The following CREB5 variants were observed in gnomAD, a reference collection of about 807,000 sequenced individuals.
The protein encoded by CREB5 is cAMP responsive element binding protein 5, also known as cyclic AMP-responsive element-binding protein 5.
A neutral mutation model predicts 57.1 loss-of-function variants in CREB5; 19 were observed. That is an observed-to-expected ratio of 0.33 (90% confidence interval 0.23 to 0.49). The LOEUF is 0.49. Among genes scored for constraint, CREB5 ranks in the 20% least tolerant of loss-of-function variants. The probability of loss-of-function intolerance (pLI) is 0.99; values close to 1 mark genes in which losing one functional copy is unlikely to be tolerated. For missense variants in CREB5, 579 were observed against 671.6 expected (o/e 0.86, Z 1.52); for synonymous variants, 238 against 238.3 (o/e 1.00, Z 0.01).
intron 4 of CREB5, among the ~76,000 whole-genome samples, chr7:28,529,658 C>T (rs950472877): frequency 1.3e-5 from 2 of 152,174 alleles, no homozygotes; most frequent in Non-Finnish European, 2.9e-5. Flanking sequence ...GATTTCCTTG[C>T]TCTATGGCCC....
chr7:28,532,123 G>T (rs1293009188), intron 4 of CREB5, among the ~76,000 whole-genome samples: 2 of 152,206 alleles, frequency 1.3e-5, no homozygotes, highest in Admixed American at 1.3e-4. Context: ...TTCTGTAGGG[G>T]TTGGGGAAGC....
intron 1 of CREB5, among the ~76,000 whole-genome samples, chr7:28,391,221 G>A (rs999219882): frequency 1.1e-4 from 17 of 151,876 alleles, no homozygotes; most frequent in East Asian, 7.7e-4. Flanking sequence ...TTTCACATAC[G>A]TTGGCATGGT....
intron 4 of CREB5, among the ~76,000 whole-genome samples, chr7:28,552,992 G>T (rs1360062713): frequency 6.6e-6 from 1 of 152,180 alleles, no homozygotes; most frequent in Non-Finnish European, 1.5e-5. Context: ...CTCTGAGCGT[G>T]GTGGGCGCAA....
chr7:28,614,224 G>A (rs1418972117), intron 5 of CREB5, among the ~76,000 whole-genome samples: 1 of 152,214 alleles, frequency 6.6e-6, no homozygotes, highest in Non-Finnish European at 1.5e-5. Context: ...CCCCTGAAGT[G>A]TTGGGATTAC....
chr7:28,502,395 A>G (rs1194971389), intron 3 of CREB5, among the ~76,000 whole-genome samples: 3 of 151,692 alleles, frequency 2.0e-5, no homozygotes, highest in African/African-American at 7.3e-5. Flanking sequence ...CCAAAAAAAA[A>G]TATGAAAAGT....
rs928172627 is a variant in CREB5, at chr7:28,821,024, T to C, written c.*1745T>C. 1.3e-5 allele frequency: 2 copies of C among 152,584 alleles called. No individual in the cohort carries two copies. The highest frequency in any genetic ancestry group is 2.4e-5 in the African/African-American group (1 of 41,424). 9.5% of individuals were successfully genotyped at this position (152,584 alleles called of 1,614,324 possible). ...GAAACAAGCCATTCTACTGTGCTAA[T>C]GTTTTAATATCACATCTCACAAATA... On this transcript the variant is annotated 3_prime_UTR_variant, in exon 11 of 11. Transcript: ENST00000357727.
At chr7:28,716,069 T>C (rs1802668519) in intron 5 of CREB5, among the ~76,000 whole-genome samples, 3 of 152,208 alleles carry the variant, frequency 2.0e-5, no homozygotes, top group Admixed American at 1.3e-4. Flanking sequence ...TAAAAACTCA[T>C]TTTAAATGTA....
chr7:28,406,722 C>T (rs1164929310), intron 1 of CREB5, among the ~76,000 whole-genome samples: 1 of 152,200 alleles, frequency 6.6e-6, no homozygotes, highest in East Asian at 1.9e-4. Flanking sequence ...CTGCAGCCTC[C>T]ATGAAACTCT....
At chr7:28,374,658 A>G (rs1320401920) in intron 1 of CREB5, among the ~76,000 whole-genome samples, 3 of 152,178 alleles carry the variant, frequency 2.0e-5, no homozygotes, top group Non-Finnish European at 4.4e-5. Flanking sequence ...AGGTGTATCT[A>G]TAAGGACAGC....
intron 1 of CREB5, among the ~76,000 whole-genome samples, chr7:28,331,919 G>A (rs568082305): frequency 2.0e-5 from 3 of 151,410 alleles, no homozygotes; most frequent in South Asian, 2.1e-4. Context: ...GTAGTGAGTC[G>A]AATGATGACC....
chr7:28,417,442 T>G (rs1788073891), intron 1 of CREB5, among the ~76,000 whole-genome samples: 1 of 151,892 alleles, frequency 6.6e-6, no homozygotes, highest in Non-Finnish European at 1.5e-5. Flanking sequence ...ACATTTCAAG[T>G]GCTCAATATC....
At chr7:28,646,268 T>A (rs1267678399) in intron 5 of CREB5, among the ~76,000 whole-genome samples, 1 of 152,178 alleles carries the variant, frequency 6.6e-6, no homozygotes, top group Non-Finnish European at 1.5e-5. Flanking sequence ...CCTCCCACTC[T>A]TATTTTTCCA....
intron 4 of CREB5, among the ~76,000 whole-genome samples, chr7:28,525,700 A>G (rs1048588576): frequency 3.3e-5 from 5 of 152,150 alleles, no homozygotes; most frequent in Non-Finnish European, 7.3e-5. Context: ...AATATTTTGT[A>G]CCATAAATAT....
upstream of CREB5, chr7:28,412,490 A>C (rs1787840170): frequency 2.6e-5 from 4 of 156,518 alleles, no homozygotes; most frequent in African/African-American, 7.2e-5. Flanking sequence ...GCAGGAGTAT[A>C]AACTGAGCAT....
chr7:28,362,156 T>G (rs1786499818), intron 1 of CREB5, among the ~76,000 whole-genome samples: 1 of 152,202 alleles, frequency 6.6e-6, no homozygotes, highest in South Asian at 2.1e-4. Flanking sequence ...TTTCATCCCA[T>G]TTTACCTTTA....
At chr7:28,422,976 AT>A (rs903693222) in intron 1 of CREB5, among the ~76,000 whole-genome samples, 2 of 152,160 alleles carry the variant, frequency 1.3e-5, no homozygotes, top group Admixed American at 6.5e-5. Context: ...TATCCTTCCC[AT>A]TTTAGTGGAT....
intron 1 of CREB5, among the ~76,000 whole-genome samples, chr7:28,306,567 T>TG (rs1305039061): frequency 4.3e-5 from 6 of 140,408 alleles, no homozygotes; most frequent in South Asian, 2.3e-4. Flanking sequence ...TTTTTTTTTT[T>TG]TTTTTTTTTT....
At chr7:28,480,659 T>A (rs1791285599) in intron 1 of CREB5, among the ~76,000 whole-genome samples, 1 of 152,228 alleles carries the variant, frequency 6.6e-6, no homozygotes. Flanking sequence ...CCTAAGAATC[T>A]CTACACTTGT....
At chr7:28,309,469 T>C (rs764136614) in intron 1 of CREB5, among the ~76,000 whole-genome samples, 18 of 152,176 alleles carry the variant, frequency 1.2e-4, no homozygotes, top group Admixed American at 4.6e-4. Context: ...CTTTCCTCTG[T>C]ATTTCCTTTC....
Sources: allele counts gnomAD v4.1 joint callset (sites outside exome capture counted in the v4.1 genomes callset), GRCh38; gene constraint gnomAD v4.1.1; transcripts MANE v1.5; gene names NCBI Gene and HGNC (gene_info 2026-07-23, HGNC 2026-07-21).